The following FBLN2 variants were observed in gnomAD, a reference collection of about 807,000 sequenced individuals.
FBLN2 encodes the protein fibulin-2.
A neutral mutation model predicts 123.7 loss-of-function variants in FBLN2; 81 were observed. That is an observed-to-expected ratio of 0.65 (90% CI 0.55 to 0.79). The LOEUF is 0.79. Ranked by LOEUF, FBLN2 falls within the 30% of genes least tolerant of loss-of-function variation. FBLN2 has a pLI of 0.00. For missense variants in FBLN2, 1,603 were observed against 1,681.3 expected, an observed-to-expected ratio of 0.95 and a Z score of 0.81; for synonymous variants, 699 against 701.4, an observed-to-expected ratio of 1.00 and a Z score of 0.05.
rs1005193837 is a variant in FBLN2 at position 13,609,065 on chromosome 3, C to T, written c.1419-448C>T. 3.9e-5 allele frequency among the ~76,000 whole-genome samples: 6 copies of T among 152,324 alleles called. No individual in the cohort carries two copies. The East Asian group carries it at 9.7e-4, about 25-fold the overall frequency. ...TCAGGGGGTGCTGAGCCCTGTCCCCCGTAATCCCCGCCGCCCTGTCCTGGC... is the reference window on the plus strand; with the variant it reads ...TCAGGGGGTGCTGAGCCCTGTCCCCTGTAATCCCCGCCGCCCTGTCCTGGC... On this transcript the variant is annotated intron_variant, in intron 3 of 17. Coordinates refer to ENST00000404922, the MANE Select transcript of FBLN2 (RefSeq NM_001004019.2).
intron 2 of FBLN2, among the ~76,000 whole-genome samples, chr3:13,574,977 G>A (rs990298473): frequency 5.9e-5 from 9 of 152,270 alleles, no homozygotes; most frequent in African/African-American, 2.2e-4. Flanking sequence ...GACTCTAAAC[G>A]AGGGCGAGGT....
intron 1 of FBLN2, among the ~76,000 whole-genome samples, chr3:13,552,175 G>T (rs1456177976): frequency 6.6e-6 from 1 of 151,864 alleles, no homozygotes; most frequent in African/African-American, 2.4e-5. Context: ...GATCCTAAAG[G>T]TCCCTTCCCC....
chr3:13,579,098 C>G lies in FBLN2; in HGVS notation c.1306+7437C>G, dbSNP rs375889213. Among the ~76,000 whole-genome samples, 28 of 152,298 alleles carry G rather than the reference C, an allele frequency of 1.8e-4. No individual in the cohort carries two copies. In the South Asian group the frequency reaches 5.6e-3, roughly 30 times the overall value. Reference sequence around the variant, plus strand: ...CAGACTGTTTTCCAGAGCGACTGCACCATTTTACATTCCCACCGGCAGTGC... The same window carrying G: ...CAGACTGTTTTCCAGAGCGACTGCAGCATTTTACATTCCCACCGGCAGTGC... On this transcript the variant is annotated intron_variant, in intron 2 of 17. Coordinates refer to ENST00000404922, the MANE Select transcript of FBLN2 (RefSeq NM_001004019.2).
chr3:13,633,133 G>T (rs753043839), intron 16 of FBLN2, among the ~76,000 whole-genome samples: 39 of 152,248 alleles, frequency 2.6e-4, no homozygotes, highest in Non-Finnish European at 5.4e-4. Context: ...CCTTGGGGGT[G>T]CTCAGGACAC....
rs377534323 is a variant in FBLN2 at position 13,629,951 on chromosome 3, C to T, written c.2968+6C>T. 7.9e-5 allele frequency: 127 copies of T among 1,610,282 alleles called. No homozygotes were observed. The Middle Eastern group carries it at 2.8e-3, about 36-fold the overall frequency. ...GGACGGCAAGCGCTGTGAAGGTAGG[C>T]TGGCCCTCATCTCTGACCCTATGCC... On this transcript the variant is annotated splice_donor_region_variant and intron_variant, in intron 14 of 17. Transcript: ENST00000404922.
chr3:13,571,728 T>C, intron 2 of FBLN2, 67 bp downstream of exon 2: 1 of 1,458,636 alleles, frequency 6.9e-7, no homozygotes, highest in Non-Finnish European at 9.1e-7. Flanking sequence ...CTCTGGCCGC[T>C]GCCCCAGGTC....
intron 2 of FBLN2, among the ~76,000 whole-genome samples, chr3:13,607,814 G>A (rs888059822): frequency 2.0e-5 from 3 of 152,116 alleles, no homozygotes; most frequent in Non-Finnish European, 2.9e-5. Flanking sequence ...TTTGAGAGTG[G>A]GGGCTGAGCT....
intron 2 of FBLN2, among the ~76,000 whole-genome samples, chr3:13,601,190 T>C (rs1574973385): frequency 6.6e-6 from 1 of 152,214 alleles, no homozygotes; most frequent in African/African-American, 2.4e-5. Flanking sequence ...TTATCCTCAT[T>C]GGGCATCCCA....
At chr3:13,605,516 C>T (rs936123815) in intron 2 of FBLN2, among the ~76,000 whole-genome samples, 1 of 152,202 alleles carries the variant, frequency 6.6e-6, no homozygotes, top group Admixed American at 6.5e-5. Context: ...GTGTGTCCAG[C>T]TCATGCTGCT....
intron 2 of FBLN2, among the ~76,000 whole-genome samples, chr3:13,606,312 A>G (rs905691538): frequency 3.9e-5 from 6 of 152,218 alleles, no homozygotes; most frequent in Admixed American, 2.0e-4. Flanking sequence ...ACATTTCTTA[A>G]TATGTCAGCA....
At chr3:13,566,884 G>C (rs928014707) in intron 1 of FBLN2, among the ~76,000 whole-genome samples, 10 of 152,244 alleles carry the variant, frequency 6.6e-5, no homozygotes, top group African/African-American at 2.4e-4. Context: ...AGATAATGCT[G>C]GTGGGCCCCC....
At chr3:13,555,533 C>A (rs1473163015) in intron 1 of FBLN2, among the ~76,000 whole-genome samples, 1 of 152,070 alleles carries the variant, frequency 6.6e-6, no homozygotes, top group Non-Finnish European at 1.5e-5. Flanking sequence ...CGGCTCACTG[C>A]AAGCTCCGCC....
At chr3:13,564,658 C>G (rs1389926709) in intron 1 of FBLN2, among the ~76,000 whole-genome samples, 1 of 152,210 alleles carries the variant, frequency 6.6e-6, no homozygotes, top group Non-Finnish European at 1.5e-5. Flanking sequence ...GAAGACCTTT[C>G]CTTCCTGATC....
At chr3:13,551,016 C>T (rs1703307193) in intron 1 of FBLN2, among the ~76,000 whole-genome samples, 1 of 152,238 alleles carries the variant, frequency 6.6e-6, no homozygotes, top group Non-Finnish European at 1.5e-5. Context: ...CATCTCCTGG[C>T]TGGTGCTGCC....
chr3:13,554,928 C>G (rs1703420887), intron 1 of FBLN2, among the ~76,000 whole-genome samples: 1 of 148,312 alleles, frequency 6.7e-6, no homozygotes, highest in Non-Finnish European at 1.5e-5. Context: ...AAATCCCTTC[C>G]CTGTTTTGCT....
At chr3:13,579,003 C>T (rs1430289584) in intron 2 of FBLN2, among the ~76,000 whole-genome samples, 2 of 152,176 alleles carry the variant, frequency 1.3e-5, no homozygotes, top group Non-Finnish European at 2.9e-5. Context: ...TGTGGTGAGC[C>T]ACGATCACGC....
At chr3:13,554,947 C>CTT (rs199976666) in intron 1 of FBLN2, among the ~76,000 whole-genome samples, 2 of 141,620 alleles carry the variant, frequency 1.4e-5, no homozygotes, top group African/African-American at 2.6e-5. Flanking sequence ...CTTATATTTA[C>CTT]TTTTTTTTTT....
chr3:13,612,676 C>T (rs995881280), intron 4 of FBLN2, among the ~76,000 whole-genome samples: 6 of 152,120 alleles, frequency 3.9e-5, no homozygotes, highest in Non-Finnish European at 7.3e-5. Flanking sequence ...CCACCATGCC[C>T]GGCCAGTTCT....
intron 2 of FBLN2, among the ~76,000 whole-genome samples, chr3:13,595,453 G>A (rs932188997): frequency 5.9e-5 from 9 of 152,094 alleles, no homozygotes; most frequent in Admixed American, 2.0e-4. Context: ...AACCCTTTCT[G>A]TCTGTCCATT....
Sources: gnomAD v4.1 joint callset for allele counts (sites outside exome capture counted in the v4.1 genomes callset) on GRCh38, gnomAD v4.1.1 for gene constraint, MANE v1.5 for transcripts, NCBI Gene and HGNC (gene_info 2026-07-23, HGNC 2026-07-21) for gene names.